ZDHHC15: variants seen among roughly 807,000 people sequenced by gnomAD.
ZDHHC15 encodes palmitoyltransferase ZDHHC15.
In ZDHHC15, 19 loss-of-function variants were observed where a neutral mutation model predicts 31.7. That is an observed-to-expected ratio of 0.60 (90% CI 0.42 to 0.88). The LOEUF is 0.88. Ranked by LOEUF, ZDHHC15 falls within the 40% of genes least tolerant of loss-of-function variation. The probability of loss-of-function intolerance (pLI) is 0.00; values close to 1 mark genes in which losing one functional copy is unlikely to be tolerated. For missense variants in ZDHHC15, 209 were observed against 251.2 expected (o/e 0.83, Z 1.14); for synonymous variants, 103 against 90.0 (o/e 1.14, Z -0.82).
intron 2 of ZDHHC15, among the ~76,000 whole-genome samples, chrX:75,493,450 G>A (rs753107204): frequency 1.8e-5 from 2 of 111,704 alleles, no homozygotes; most frequent in Non-Finnish European, 3.8e-5. Flanking sequence ...GCATCATCCT[G>A]ATACCAAAGC....
chrX:75,436,857 T>C (rs1450454239), intron 4 of ZDHHC15, among the ~76,000 whole-genome samples: 1 of 112,706 alleles, frequency 8.9e-6, no homozygotes, highest in African/African-American at 3.2e-5. Flanking sequence ...GTTTTGTTTG[T>C]TTTATTTTTT....
chrX:75,390,194 T>G (rs993981856), intron 10 of ZDHHC15, among the ~76,000 whole-genome samples: 2 of 111,891 alleles, frequency 1.8e-5, no homozygotes, highest in Non-Finnish European at 3.8e-5. Flanking sequence ...CTCAGCCACA[T>G]TGGAACAGAG....
At chrX:75,517,696 C>A (rs2085380498) in intron 1 of ZDHHC15, among the ~76,000 whole-genome samples, 1 of 108,644 alleles carries the variant, frequency 9.2e-6, no homozygotes, top group Non-Finnish European at 1.9e-5. Context: ...ATGTAACAAA[C>A]CTGCATGTTG....
intron 3 of ZDHHC15, among the ~76,000 whole-genome samples, chrX:75,458,965 TAGCCCTCCCAG>T (rs2084267927): frequency 1.7e-5 from 1 of 58,864 alleles, no homozygotes; most frequent in Non-Finnish European, 3.2e-5. Context: ...GGTGGGGAAA[TAGCCCTCCCAG>T]GAGTGGCACA....
intron 3 of ZDHHC15, among the ~76,000 whole-genome samples, chrX:75,468,949 A>G (rs2084457985): frequency 8.9e-6 from 1 of 111,904 alleles, no homozygotes; most frequent in Non-Finnish European, 1.9e-5. Flanking sequence ...TTCTTGATAT[A>G]TTCTGAACAC....
intron 1 of ZDHHC15, among the ~76,000 whole-genome samples, chrX:75,516,002 A>T (rs2085350439): frequency 9.0e-6 from 1 of 111,486 alleles, no homozygotes; most frequent in Non-Finnish European, 1.9e-5. Flanking sequence ...AAAGAGAATA[A>T]AATACCTAGG....
At chrX:75,502,883 G>A (rs763106978) in intron 2 of ZDHHC15, among the ~76,000 whole-genome samples, 17 of 109,832 alleles carry the variant, frequency 1.5e-4, no homozygotes, top group South Asian at 7.7e-4. Context: ...ATGATCTATG[G>A]GAAAACATAT....
chrX:75,421,731 C>A, intron 9 of ZDHHC15, 133 bp downstream of exon 9: 1 of 667,808 alleles, frequency 1.5e-6, no homozygotes. Context: ...CCTTTATTAA[C>A]CTAGAAATGA....
At chrX:75,472,861 C>T (rs973075900) in intron 3 of ZDHHC15, among the ~76,000 whole-genome samples, 3 of 112,369 alleles carry the variant, frequency 2.7e-5, no homozygotes, top group Non-Finnish European at 5.6e-5. Flanking sequence ...GACCAACACT[C>T]AGCATTCAAA....
At chrX:75,518,769 GTATATATATATA>G (rs1162307795) in intron 1 of ZDHHC15, among the ~76,000 whole-genome samples, 1 of 32,586 alleles carries the variant, frequency 3.1e-5, no homozygotes, top group African/African-American at 1.8e-4. Context: ...TAACAAACTG[GTATATATATATA>G]TATATATATA....
intron 11 of ZDHHC15, among the ~76,000 whole-genome samples, chrX:75,374,064 T>C (rs938113848): frequency 9.2e-6 from 1 of 108,560 alleles, no homozygotes; most frequent in Non-Finnish European, 1.9e-5. Flanking sequence ...TTTTAATTTT[T>C]AGCTTCCACA....
At chrX:75,483,056 C>T in intron 2 of ZDHHC15, among the ~76,000 whole-genome samples, 1 of 95,564 alleles carries the variant, frequency 1.0e-5, no homozygotes. Context: ...CATATATACA[C>T]ATATGTGTAT....
chrX:75,465,865 A>G (rs1348463416), intron 3 of ZDHHC15, among the ~76,000 whole-genome samples: 2 of 111,792 alleles, frequency 1.8e-5, no homozygotes, highest in African/African-American at 6.5e-5. Context: ...AATCCAGGCA[A>G]TACTATTCAG....
At chrX:75,456,159 A>G (rs898375119) in intron 3 of ZDHHC15, among the ~76,000 whole-genome samples, 4 of 111,594 alleles carry the variant, frequency 3.6e-5, no homozygotes, top group Non-Finnish European at 7.5e-5. Flanking sequence ...TACACCATGG[A>G]ATACTATGCA....
chrX:75,447,569 G>A (rs759586324), intron 4 of ZDHHC15, among the ~76,000 whole-genome samples: 1 of 111,510 alleles, frequency 9.0e-6, no homozygotes, highest in Non-Finnish European at 1.9e-5. Context: ...CAGGGCTGGG[G>A]CAAGATTTTC....
At chrX:75,507,692 A>C (rs1351963620) in intron 1 of ZDHHC15, among the ~76,000 whole-genome samples, 2 of 111,643 alleles carry the variant, frequency 1.8e-5, no homozygotes, top group East Asian at 2.8e-4. Flanking sequence ...CTGTTTCTTT[A>C]AGTTTCACTC....
intron 11 of ZDHHC15, among the ~76,000 whole-genome samples, chrX:75,377,304 C>A (rs1309344948): frequency 9.1e-6 from 1 of 110,380 alleles, no homozygotes; most frequent in Non-Finnish European, 1.9e-5. Flanking sequence ...AGACACCAGC[C>A]TGGCCAACAG....
chrX:75,462,541 C>T (rs189555843), intron 3 of ZDHHC15, among the ~76,000 whole-genome samples: 2 of 112,233 alleles, frequency 1.8e-5, no homozygotes, highest in Admixed American at 1.9e-4. Context: ...CACTCCTCAG[C>T]AAATGCATAA....
intron 9 of ZDHHC15, among the ~76,000 whole-genome samples, chrX:75,417,739 C>T (rs2083564640): frequency 8.9e-6 from 1 of 111,744 alleles, no homozygotes; most frequent in Admixed American, 9.5e-5. Context: ...CATGTGGGGT[C>T]TCGCTTTGTG....
Sources: allele counts gnomAD v4.1 joint callset (sites outside exome capture counted in the v4.1 genomes callset), GRCh38; gene constraint gnomAD v4.1.1; transcripts MANE v1.5; gene names NCBI Gene and HGNC (gene_info 2026-07-23, HGNC 2026-07-21).